PCDH15: variants seen among roughly 807,000 people sequenced by gnomAD.
The protein encoded by PCDH15 is protocadherin-15.
PCDH15 carries 129 observed loss-of-function variants against 178.5 expected under a neutral mutation model. The ratio of observed to expected loss-of-function variants is 0.72; its 90% CI spans 0.63 to 0.84. The LOEUF is 0.84. Ranked by LOEUF, PCDH15 falls within the 40% of genes least tolerant of loss-of-function variation. The probability of loss-of-function intolerance (pLI) is 0.00; values close to 1 mark genes in which losing one functional copy is unlikely to be tolerated. For missense variants in PCDH15, 2,230 were observed against 2,099.9 expected, an observed-to-expected ratio of 1.06 and a Z score of -1.21; for synonymous variants, 800 against 732.0, an observed-to-expected ratio of 1.09 and a Z score of -1.50.
At chr10:54,463,019 G>A (rs2077295126) in intron 3 of PCDH15, among the ~76,000 whole-genome samples, 1 of 152,002 alleles carries the variant, frequency 6.6e-6, no homozygotes, top group Non-Finnish European at 1.5e-5. Context: ...GTCCACACAT[G>A]TTGGGTATTA....
intron 18 of PCDH15, among the ~76,000 whole-genome samples, chr10:54,045,694 A>G (rs909317785): frequency 6.6e-6 from 1 of 152,192 alleles, no homozygotes; most frequent in Admixed American, 6.6e-5. Context: ...CACTCCACAC[A>G]CAAAAATCAT....
At chr10:54,779,481 T>TATATGTGTATATATACACAC (rs1566222419) in intron 1 of PCDH15, among the ~76,000 whole-genome samples, 4 of 74,246 alleles carry the variant, frequency 5.4e-5, no homozygotes, top group Non-Finnish European at 8.1e-5. Context: ...TATACACACA[T>TATATGTGTATATATACACAC]ATATATGTAT....
chr10:54,184,365 T>C (rs1283865172), intron 12 of PCDH15, among the ~76,000 whole-genome samples: 1 of 149,738 alleles, frequency 6.7e-6, no homozygotes, highest in Non-Finnish European at 1.5e-5. Flanking sequence ...ATTCAAAAAT[T>C]GGGATATAAT....
chr10:54,227,450 GCACAAGCATGGGGATCC>G (rs1477157194), intron 9 of PCDH15, among the ~76,000 whole-genome samples: 1 of 152,174 alleles, frequency 6.6e-6, no homozygotes, highest in African/African-American at 2.4e-5. Flanking sequence ...TCCCAAGGCT[GCACAAGCATGGGGATCC>G]TGGGCCCAGC....
At chr10:55,492,218 C>CAA (rs901193706) in intron 2 of PCDH15, among the ~76,000 whole-genome samples, 1 of 147,848 alleles carries the variant, frequency 6.8e-6, no homozygotes, top group African/African-American at 2.5e-5. Flanking sequence ...GACCATACAG[C>CAA]AAAAAAAAAG....
At chr10:55,543,883 T>G (rs960437854) in intron 2 of PCDH15, among the ~76,000 whole-genome samples, 3 of 151,324 alleles carry the variant, frequency 2.0e-5, no homozygotes, top group African/African-American at 7.3e-5. Context: ...CCTTCCTTCC[T>G]TTTTTTCTTC....
At chr10:54,155,695 A>T (rs900986137) in intron 13 of PCDH15, among the ~76,000 whole-genome samples, 1 of 151,436 alleles carries the variant, frequency 6.6e-6, no homozygotes, top group African/African-American at 2.4e-5. Context: ...TTAAACCTCA[A>T]CATTAGCAGG....
At chr10:54,734,595 C>A (rs1228295590) in intron 1 of PCDH15, among the ~76,000 whole-genome samples, 1 of 151,940 alleles carries the variant, frequency 6.6e-6, no homozygotes, top group Non-Finnish European at 1.5e-5. Context: ...ACTCAGAAAT[C>A]TATGCAAATG....
At chr10:54,663,787 G>A (rs55990382) in intron 2 of PCDH15, among the ~76,000 whole-genome samples, 10,037 of 151,404 alleles carry the variant, frequency 0.066, 409 homozygotes, top group East Asian at 0.15. Flanking sequence ...ACCCTTTCAG[G>A]GGGTCAAATT....
chr10:53,933,757 CCA>C (rs1351067273), intron 25 of PCDH15, among the ~76,000 whole-genome samples: 2 of 152,116 alleles, frequency 1.3e-5, no homozygotes, highest in African/African-American at 2.4e-5. Context: ...ACACTGACTT[CCA>C]CAGTGGTTGA....
At chr10:55,036,009 G>A (rs1840726884) in intron 2 of PCDH15, among the ~76,000 whole-genome samples, 1 of 152,118 alleles carries the variant, frequency 6.6e-6, no homozygotes, top group Admixed American at 6.5e-5. Flanking sequence ...CCAAAGGCAT[G>A]TGTTAGAAAC....
chr10:55,442,483 AT>A (rs1469991913), intron 2 of PCDH15, among the ~76,000 whole-genome samples: 9,067 of 124,214 alleles, frequency 0.073, 925 homozygotes, highest in African/African-American at 0.22. Flanking sequence ...TATATATATT[AT>A]ATATATATAT....
intron 2 of PCDH15, among the ~76,000 whole-genome samples, chr10:55,425,954 GAAAT>G (rs1425562290): frequency 3.0e-4 from 46 of 152,206 alleles, no homozygotes; most frequent in African/African-American, 9.4e-4. Flanking sequence ...GCATATATGT[GAAAT>G]AAATAAAATG....
intron 8 of PCDH15, among the ~76,000 whole-genome samples, chr10:54,250,526 A>AC (rs1157350610): frequency 1.3e-5 from 2 of 150,742 alleles, no homozygotes; most frequent in Non-Finnish European, 3.0e-5. Flanking sequence ...CTCATGATCC[A>AC]CTTGCCTCGG....
chr10:55,009,923 G>A (rs866481851), intron 2 of PCDH15, among the ~76,000 whole-genome samples: 19 of 152,104 alleles, frequency 1.2e-4, no homozygotes, highest in African/African-American at 4.6e-4. Flanking sequence ...TTGGAAAACT[G>A]CACAAAATGT....
intron 1 of PCDH15, among the ~76,000 whole-genome samples, chr10:55,316,249 C>G (rs1395927894): frequency 6.6e-6 from 1 of 152,054 alleles, no homozygotes; most frequent in African/African-American, 2.4e-5. Context: ...TTTTCTCAAA[C>G]TCAGTGATTA....
chr10:54,060,450 C>T (rs931371213), intron 18 of PCDH15, among the ~76,000 whole-genome samples: 1 of 152,030 alleles, frequency 6.6e-6, no homozygotes, highest in Non-Finnish European at 1.5e-5. Flanking sequence ...CGTAGCCATA[C>T]TTTATAAATT....
intron 1 of PCDH15, among the ~76,000 whole-genome samples, chr10:55,235,354 C>T (rs572184678): frequency 2.0e-5 from 3 of 152,090 alleles, no homozygotes; most frequent in African/African-American, 4.8e-5. Flanking sequence ...TCCTTTGATT[C>T]GTCAACCCTA....
At chr10:55,183,674 C>T (rs1212244823) in intron 1 of PCDH15, among the ~76,000 whole-genome samples, 3 of 8,316 alleles carry the variant, frequency 3.6e-4, no homozygotes, top group Non-Finnish European at 8.4e-4. Context: ...AACATTAAAA[C>T]CTATTTTTTT....
Sources: allele counts gnomAD v4.1 joint callset (sites outside exome capture counted in the v4.1 genomes callset), GRCh38; gene constraint gnomAD v4.1.1; transcripts MANE v1.5; gene names NCBI Gene and HGNC (gene_info 2026-07-23, HGNC 2026-07-21).